VCF2: variants seen among roughly 807,000 people sequenced by gnomAD.
The protein encoded by VCF2 is VCP nuclear cofactor family member 2.
chrX:55,147,631 C>CTTTTTTT, the VCF2 span, among the ~76,000 whole-genome samples: 2 of 68,567 alleles, frequency 2.9e-5, no homozygotes, highest in African/African-American at 1.0e-4. Context: ...GTTGGCTTTC[C>CTTTTTTT]TTGTTTTTTT....
chrX:55,150,219 T>C, the VCF2 span, among the ~76,000 whole-genome samples: 1 of 112,153 alleles, frequency 8.9e-6, no homozygotes, highest in Admixed American at 9.5e-5. Context: ...GTGATTCTGA[T>C]ATGTCTTGGT....
chrX:55,147,569 T>A, the VCF2 span, among the ~76,000 whole-genome samples: 1 of 109,060 alleles, frequency 9.2e-6, no homozygotes, highest in Admixed American at 9.9e-5. Context: ...CAAAATTAAG[T>A]AAGCTATTAC....
the VCF2 span, among the ~76,000 whole-genome samples, chrX:55,150,066 C>T: frequency 1.8e-5 from 2 of 111,877 alleles, no homozygotes; most frequent in Non-Finnish European, 3.8e-5. Context: ...GGTCCCCTGA[C>T]GCCCAAAAGA....
chrX:55,155,896 T>TA, the VCF2 span, among the ~76,000 whole-genome samples: 2 of 109,905 alleles, frequency 1.8e-5, no homozygotes, highest in Non-Finnish European at 3.8e-5. Flanking sequence ...TAACACTTTT[T>TA]AATGATAAAA....
the VCF2 span, among the ~76,000 whole-genome samples, chrX:55,146,793 C>T: frequency 1.8e-5 from 2 of 112,397 alleles, no homozygotes; most frequent in Non-Finnish European, 3.8e-5. Context: ...TACGTGCATA[C>T]ACACATAGAT....
At chrX:55,145,446 T>C in the VCF2 span, 5 of 752,324 alleles carry the variant, frequency 6.6e-6, no homozygotes, top group African/African-American at 1.2e-4. Flanking sequence ...TCCCTGGAAA[T>C]ACAAAGTGTA....
the VCF2 span, chrX:55,160,834 C>A: frequency 4.3e-6 from 5 of 1,153,684 alleles, no homozygotes; most frequent in South Asian, 5.7e-5. Context: ...CCCCACCTCA[C>A]CCCCGCCTCC....
chrX:55,156,994 T>G, the VCF2 span, among the ~76,000 whole-genome samples: 1 of 112,365 alleles, frequency 8.9e-6, no homozygotes, highest in Non-Finnish European at 1.9e-5. Flanking sequence ...CAAAATAGAT[T>G]AGGCCATCTT....
At chrX:55,160,769 A>T in the VCF2 span, 1 of 1,097,672 alleles carries the variant, frequency 9.1e-7, no homozygotes, top group Non-Finnish European at 1.2e-6. Flanking sequence ...GGAAATGCCA[A>T]TTTGAAAAAC....
At chrX:55,152,961 C>T in the VCF2 span, among the ~76,000 whole-genome samples, 1 of 112,107 alleles carries the variant, frequency 8.9e-6, no homozygotes, top group East Asian at 2.8e-4. Context: ...TTCACCAAGC[C>T]AGACTAAATT....
At chrX:55,146,352 T>C in the VCF2 span, 4 of 1,126,033 alleles carry the variant, frequency 3.6e-6, no homozygotes, top group African/African-American at 7.2e-5. Flanking sequence ...TATTATGCTA[T>C]TACAACATTT....
chrX:55,156,967 C>T, the VCF2 span, among the ~76,000 whole-genome samples: 3 of 112,215 alleles, frequency 2.7e-5, no homozygotes, highest in African/African-American at 9.7e-5. Flanking sequence ...TCCATGAACA[C>T]GGCTTCTTAA....
the VCF2 span, among the ~76,000 whole-genome samples, chrX:55,160,213 T>C: frequency 8.9e-6 from 1 of 112,500 alleles, no homozygotes; most frequent in African/African-American, 3.2e-5. Flanking sequence ...CACTAAGTGC[T>C]AGGCACTCCT....
the VCF2 span, among the ~76,000 whole-genome samples, chrX:55,153,571 C>T: frequency 1.5e-4 from 16 of 109,450 alleles, no homozygotes; most frequent in Non-Finnish European, 2.9e-4. Flanking sequence ...CCATGTTAGC[C>T]AGGATGGTCT....
At chrX:55,157,064 T>C in the VCF2 span, among the ~76,000 whole-genome samples, 1 of 112,468 alleles carries the variant, frequency 8.9e-6, no homozygotes. Flanking sequence ...TTTCAGAAGG[T>C]TCCCATTTTG....
chrX:55,154,405 C>CT, the VCF2 span, among the ~76,000 whole-genome samples: 1 of 112,449 alleles, frequency 8.9e-6, no homozygotes, highest in African/African-American at 3.2e-5. Context: ...AAAGCTTATT[C>CT]TTTTTTGTCT....
chrX:55,160,210 T>C, the VCF2 span, among the ~76,000 whole-genome samples: 3 of 112,327 alleles, frequency 2.7e-5, no homozygotes, highest in Non-Finnish European at 5.6e-5. Context: ...ATCCACTAAG[T>C]GCTAGGCACT....
the VCF2 span, among the ~76,000 whole-genome samples, chrX:55,149,811 A>G: frequency 1.5e-4 from 17 of 112,362 alleles, no homozygotes; most frequent in East Asian, 2.8e-4. Flanking sequence ...AAAATTTAAA[A>G]GACAGATTTA....
chrX:55,160,954 G>C, the VCF2 span: 2 of 1,164,662 alleles, frequency 1.7e-6, no homozygotes, highest in South Asian at 1.9e-5. Context: ...GCAGGGCCGC[G>C]CCACCGGCCA....
Sources: allele counts gnomAD v4.1 joint callset (sites outside exome capture counted in the v4.1 genomes callset), GRCh38; gene constraint gnomAD v4.1.1; transcripts MANE v1.5; gene names NCBI Gene and HGNC (gene_info 2026-07-23, HGNC 2026-07-21).